CNTN1: variants seen among roughly 807,000 people sequenced by gnomAD.
CNTN1 encodes contactin 1, also known as contactin-1.
In CNTN1, 38 loss-of-function variants were observed where a neutral mutation model predicts 126.4. The ratio of observed to expected loss-of-function variants is 0.30; its 90% confidence interval spans 0.23 to 0.39. The LOEUF (loss-of-function observed/expected upper bound fraction) is 0.39. Ranked by LOEUF, CNTN1 falls within the 10% of genes least tolerant of loss-of-function variation. The pLI, the probability that CNTN1 is intolerant of heterozygous loss-of-function variation, is 1.00. For synonymous variants in CNTN1, 413 were observed against 422.6 expected (o/e 0.98, Z 0.28); for missense variants, 1,009 against 1,248.4 (o/e 0.81, Z 2.89).
chr12:40,692,843 C>A (rs1941336457), intron 1 of CNTN1, among the ~76,000 whole-genome samples: 1 of 152,104 alleles, frequency 6.6e-6, no homozygotes. Flanking sequence ...AAGAGGGCTC[C>A]GAGCTCGGGG....
intron 17 of CNTN1, among the ~76,000 whole-genome samples, chr12:40,996,976 A>G (rs1490250284): frequency 6.6e-6 from 1 of 152,344 alleles, no homozygotes; most frequent in East Asian, 1.9e-4. Context: ...CCCCAGCCTC[A>G]TTATGCTGAT....
At chr12:40,886,947 A>C (rs1944056158) in intron 1 of CNTN1, among the ~76,000 whole-genome samples, 1 of 152,168 alleles carries the variant, frequency 6.6e-6, no homozygotes, top group Non-Finnish European at 1.5e-5. Context: ...TGGTACCAGT[A>C]CCATGCTGTT....
chr12:40,745,924 TG>T (rs1164439335), intron 1 of CNTN1, among the ~76,000 whole-genome samples: 1 of 152,146 alleles, frequency 6.6e-6, no homozygotes, highest in Non-Finnish European at 1.5e-5. Context: ...AGTGACTCCC[TG>T]GTCCCTTGGA....
intron 14 of CNTN1, among the ~76,000 whole-genome samples, chr12:40,950,918 C>CAT (rs370455342): frequency 0.015 from 2,195 of 150,358 alleles, 37 homozygotes; most frequent in African/African-American, 0.045. Context: ...TGGAATTAAG[C>CAT]ATATATATAT....
At chr12:40,858,141 C>T (rs1333510995) in intron 1 of CNTN1, among the ~76,000 whole-genome samples, 1 of 152,106 alleles carries the variant, frequency 6.6e-6, no homozygotes, top group African/African-American at 2.4e-5. Flanking sequence ...GTCCTGATTT[C>T]TTGCTGTCAG....
intron 17 of CNTN1, among the ~76,000 whole-genome samples, chr12:41,012,548 C>T (rs1948686594): frequency 6.6e-6 from 1 of 152,138 alleles, no homozygotes; most frequent in Non-Finnish European, 1.5e-5. Context: ...TAGCCCCAGC[C>T]AGAAATCCTC....
intron 1 of CNTN1, among the ~76,000 whole-genome samples, chr12:40,853,426 G>A (rs970066876): frequency 2.5e-4 from 38 of 152,126 alleles, no homozygotes; most frequent in Non-Finnish European, 5.4e-4. Context: ...TTGCCCACAT[G>A]AGAAAAGTTA....
At chr12:40,974,710 C>T (rs1008561874) in intron 15 of CNTN1, among the ~76,000 whole-genome samples, 4 of 152,054 alleles carry the variant, frequency 2.6e-5, no homozygotes, top group African/African-American at 4.8e-5. Context: ...GCTGGGTGAA[C>T]GTGGCCATTT....
At chr12:40,916,105 G>A (rs1206991356) in intron 3 of CNTN1, among the ~76,000 whole-genome samples, 1 of 151,854 alleles carries the variant, frequency 6.6e-6, no homozygotes, top group East Asian at 1.9e-4. Flanking sequence ...TTTATTTTTA[G>A]TTTTCTAAAT....
intron 1 of CNTN1, among the ~76,000 whole-genome samples, chr12:40,805,632 C>T (rs1940823818): frequency 6.6e-6 from 1 of 152,048 alleles, no homozygotes; most frequent in African/African-American, 2.4e-5. Context: ...AATTCTCTAT[C>T]TGATAGTTTC....
chr12:41,061,769 A>G, intron 23 of CNTN1: 1 of 455,812 alleles, frequency 2.2e-6, no homozygotes, highest in Non-Finnish European at 4.4e-6. Flanking sequence ...CAGAAGGAAA[A>G]TCCACATCCT....
chr12:40,840,343 A>G (rs1288517555), intron 1 of CNTN1, among the ~76,000 whole-genome samples: 3 of 152,056 alleles, frequency 2.0e-5, no homozygotes, highest in African/African-American at 2.4e-5. Context: ...CCAGATTTAT[A>G]AAGAAAATAT....
At chr12:40,871,199 A>C (rs1428125873) in intron 1 of CNTN1, among the ~76,000 whole-genome samples, 2 of 42,710 alleles carry the variant, frequency 4.7e-5, no homozygotes, top group African/African-American at 1.8e-4. Context: ...AAAAAAAAAA[A>C]AAAAAAAAAA....
At chr12:40,802,276 C>CA (rs1465321079) in intron 1 of CNTN1, among the ~76,000 whole-genome samples, 2 of 151,686 alleles carry the variant, frequency 1.3e-5, no homozygotes, top group Admixed American at 6.6e-5. Flanking sequence ...GAAGGAAATC[C>CA]AAGTTTAGAA....
chr12:40,895,781 G>A (rs1031288679), intron 1 of CNTN1, among the ~76,000 whole-genome samples: 3 of 141,192 alleles, frequency 2.1e-5, no homozygotes, highest in Admixed American at 7.0e-5. Context: ...TTTTTGAGAC[G>A]GAGTCTGGCT....
chr12:40,832,464 C>G (rs1941878289), intron 1 of CNTN1, among the ~76,000 whole-genome samples: 1 of 152,060 alleles, frequency 6.6e-6, no homozygotes, highest in Non-Finnish European at 1.5e-5. Flanking sequence ...ACATGCTGTT[C>G]ATGTTTGCAG....
At chr12:40,765,690 G>A (rs1939057363) in intron 1 of CNTN1, among the ~76,000 whole-genome samples, 1 of 152,168 alleles carries the variant, frequency 6.6e-6, no homozygotes. Context: ...CAAGACCTTT[G>A]ATGACCTTGA....
intron 1 of CNTN1, among the ~76,000 whole-genome samples, chr12:40,750,848 C>G (rs1369249598): frequency 2.0e-5 from 3 of 151,952 alleles, no homozygotes; most frequent in Non-Finnish European, 4.4e-5. Context: ...TTTGCTCAGT[C>G]AGGAGATGAA....
chr12:40,862,842 T>G (rs768308910), intron 1 of CNTN1, among the ~76,000 whole-genome samples: 44 of 152,214 alleles, frequency 2.9e-4, no homozygotes, highest in Non-Finnish European at 3.1e-4. Context: ...ACATGCTTAT[T>G]GAAAGTTACA....
Sources: allele counts gnomAD v4.1 joint callset (sites outside exome capture counted in the v4.1 genomes callset), GRCh38; gene constraint gnomAD v4.1.1; transcripts MANE v1.5; gene names NCBI Gene and HGNC (gene_info 2026-07-23, HGNC 2026-07-21).